Variants in SPATA16 observed in about 807,000 individuals in gnomAD.
The protein encoded by SPATA16 is spermatogenesis associated 16, also known as spermatogenesis-associated protein 16.
SPATA16 carries 36 observed loss-of-function variants against 63.3 expected under a neutral mutation model. That is an observed-to-expected ratio of 0.57 (90% CI 0.44 to 0.75). The LOEUF (loss-of-function observed/expected upper bound fraction) is 0.75, where lower values mean the gene tolerates loss of function less well. SPATA16 is among the 30% of genes least tolerant of loss of function. The probability of loss-of-function intolerance (pLI) is 0.00; values close to 1 mark genes in which losing one functional copy is unlikely to be tolerated. For missense variants in SPATA16, 646 were observed against 679.3 expected (o/e 0.95, Z 0.54); for synonymous variants, 203 against 216.7 (o/e 0.94, Z 0.56).
At chr3:173,114,844 GGAAAA>G (rs1479249166) in intron 2 of SPATA16, among the ~76,000 whole-genome samples, 2 of 152,078 alleles carry the variant, frequency 1.3e-5, no homozygotes, top group Admixed American at 6.5e-5. Context: ...GTTAAATTCG[GGAAAA>G]GAAAAGAAAG....
intron 4 of SPATA16, among the ~76,000 whole-genome samples, chr3:172,993,871 G>A (rs949692377): frequency 3.3e-5 from 5 of 152,064 alleles, no homozygotes; most frequent in Admixed American, 1.3e-4. Flanking sequence ...AAGACAGTTG[G>A]GGGGACTGAA....
chr3:172,926,824 AC>A (rs1157881306), intron 6 of SPATA16, among the ~76,000 whole-genome samples: 1 of 152,200 alleles, frequency 6.6e-6, no homozygotes, highest in African/African-American at 2.4e-5. Context: ...ATTTTGAGTA[AC>A]AAGGCTTTGG....
intron 8 of SPATA16, among the ~76,000 whole-genome samples, chr3:172,919,479 T>A (rs1305065369): frequency 6.6e-6 from 1 of 152,110 alleles, no homozygotes; most frequent in Non-Finnish European, 1.5e-5. Context: ...TCTACAAAGA[T>A]AAGGAAACCA....
chr3:172,996,707 A>G (rs1222863744), intron 4 of SPATA16, among the ~76,000 whole-genome samples: 1 of 152,126 alleles, frequency 6.6e-6, no homozygotes, highest in Non-Finnish European at 1.5e-5. Context: ...TATACATTCT[A>G]TGGGCTTTGA....
At chr3:173,032,471 C>T (rs1735627816) in intron 3 of SPATA16, among the ~76,000 whole-genome samples, 1 of 151,938 alleles carries the variant, frequency 6.6e-6, no homozygotes, top group Non-Finnish European at 1.5e-5. Context: ...TATGACATTA[C>T]CTTGTTTAGG....
At chr3:173,037,069 T>A (rs1735729354) in intron 3 of SPATA16, among the ~76,000 whole-genome samples, 1 of 151,968 alleles carries the variant, frequency 6.6e-6, no homozygotes, top group Admixed American at 6.6e-5. Context: ...TGTTTAAAAA[T>A]ATGGTAAAAT....
chr3:173,128,357 A>G (rs556279128), intron 1 of SPATA16, among the ~76,000 whole-genome samples: 53 of 152,156 alleles, frequency 3.5e-4, no homozygotes, highest in Non-Finnish European at 7.5e-4. Flanking sequence ...TCATTCATTT[A>G]TGATTTACTA....
chr3:173,033,213 A>G lies in SPATA16; in HGVS notation c.759-13638T>C, dbSNP rs538446520. ...TTTGAAAATCTGAAAAAAGATCCTC[A>G]TCTTTGTAGACTGTAATTGTGTCTT... On this transcript the variant is annotated intron_variant, in intron 3 of 10. Coordinates refer to ENST00000351008, the MANE Select transcript of SPATA16 (RefSeq NM_031955.6). Among the ~76,000 whole-genome samples the G allele has an allele frequency of 2.1e-4, 32 of 152,284 alleles. 1 individual carries two copies. Among genetic ancestry groups the G allele is most frequent in the Admixed American group, 1.9e-3 (29 of 15,266 alleles).
intron 4 of SPATA16, among the ~76,000 whole-genome samples, chr3:173,015,359 C>T (rs1265634508): frequency 6.6e-6 from 1 of 152,126 alleles, no homozygotes; most frequent in African/African-American, 2.4e-5. Context: ...CCACTGCAGC[C>T]AGCAGAAAAT....
At chr3:172,949,680 G>C (rs7632946) in intron 6 of SPATA16, among the ~76,000 whole-genome samples, 74,918 of 151,724 alleles carry the variant, frequency 0.49, 20,507 homozygotes, top group African/African-American at 0.74. Context: ...TGAGAACTCC[G>C]TCGCCTGCTA....
In SPATA16 at chr3:172,925,334, C is replaced by G. The variant is rs1350307536; in HGVS notation, c.1228+12G>C. ...TACTATATGCTAGACCTTGTAGGTTCAGATGATTTACCTGTGAATATCGGC... is the reference window on the plus strand; with the variant it reads ...TACTATATGCTAGACCTTGTAGGTTGAGATGATTTACCTGTGAATATCGGC... On this transcript the variant is annotated intron_variant, in intron 7 of 10. Coordinates refer to ENST00000351008, the MANE Select transcript of SPATA16 (RefSeq NM_031955.6). 1.2e-6 allele frequency: 2 copies of G among 1,613,748 alleles called. No homozygotes were observed. Among genetic ancestry groups the G allele is most frequent in the African/African-American group, 1.3e-5 (1 of 75,016 alleles).
At chr3:173,001,295 G>A (rs1420595423) in intron 4 of SPATA16, among the ~76,000 whole-genome samples, 2 of 97,850 alleles carry the variant, frequency 2.0e-5, no homozygotes, top group Non-Finnish European at 3.8e-5. Context: ...TTCACCCTTA[G>A]GTGCAATAGG....
chr3:173,080,903 A>C (rs1179659236), intron 2 of SPATA16, among the ~76,000 whole-genome samples: 1 of 152,184 alleles, frequency 6.6e-6, no homozygotes, highest in East Asian at 1.9e-4. Context: ...GGAGAAGAAA[A>C]GAATGATATA....
intron 6 of SPATA16, 79 bp downstream of exon 6, chr3:172,956,598 T>G (rs1206015902): frequency 6.0e-6 from 9 of 1,497,016 alleles, no homozygotes; most frequent in Non-Finnish European, 8.2e-6. Flanking sequence ...AACAATAAAC[T>G]AATAAACCAG....
At chr3:173,051,445 A>G (rs551984913) in intron 2 of SPATA16, among the ~76,000 whole-genome samples, 82 of 152,076 alleles carry the variant, frequency 5.4e-4, no homozygotes, top group Non-Finnish European at 6.3e-4. Flanking sequence ...CTTGTGATCC[A>G]CCCACCTTGG....
chr3:173,118,871 CAAGA>C (rs1737981206), intron 1 of SPATA16, among the ~76,000 whole-genome samples: 1 of 152,028 alleles, frequency 6.6e-6, no homozygotes, highest in South Asian at 2.1e-4. Flanking sequence ...GAGAAAATAA[CAAGA>C]AAGAAGGGCT....
intron 5 of SPATA16, among the ~76,000 whole-genome samples, chr3:172,975,683 A>G (rs116430706): frequency 0.038 from 5,795 of 152,208 alleles, 377 homozygotes; most frequent in African/African-American, 0.13. Flanking sequence ...TTGGGTTTAA[A>G]GGTTTGTCTA....
chr3:172,904,124 G>C (rs544187692), intron 10 of SPATA16, among the ~76,000 whole-genome samples: 1 of 152,266 alleles, frequency 6.6e-6, no homozygotes, highest in South Asian at 2.1e-4. Context: ...TTTCAAAAGA[G>C]AGATAAAGAT....
At chr3:172,955,157 G>A (rs1240915393) in intron 6 of SPATA16, among the ~76,000 whole-genome samples, 1 of 152,174 alleles carries the variant, frequency 6.6e-6, no homozygotes, top group Admixed American at 6.5e-5. Context: ...ACTCTTGGCA[G>A]TGGTGCTTCC....
Sources: allele counts gnomAD v4.1 joint callset (sites outside exome capture counted in the v4.1 genomes callset), GRCh38; gene constraint gnomAD v4.1.1; transcripts MANE v1.5; gene names NCBI Gene and HGNC (gene_info 2026-07-23, HGNC 2026-07-21).